The following BCAS3 variants were observed in gnomAD, a reference collection of about 807,000 sequenced individuals.
BCAS3 encodes the protein BCAS4/BCAS3 fusion.
Under a neutral mutation model 116.1 loss-of-function variants are expected in BCAS3, and 53 were observed. The observed-to-expected ratio is 0.46, with a 90% CI of 0.37 to 0.57. The LOEUF (loss-of-function observed/expected upper bound fraction) is 0.57, where lower values mean the gene tolerates loss of function less well. Among genes scored for constraint, BCAS3 ranks in the 20% least tolerant of loss-of-function variants. The pLI, the probability that BCAS3 is intolerant of heterozygous loss-of-function variation, is 0.00. For synonymous variants in BCAS3, 391 were observed against 408.2 expected (o/e 0.96, Z 0.51); for missense variants, 917 against 1,165.4 (o/e 0.79, Z 3.10).
Position 61,390,740 on chromosome 17 carries a change from G to A in BCAS3, c.2594-1237G>A, listed in dbSNP as rs1342390061. 3 of 152,526 alleles carry A rather than the reference G, an allele frequency of 2.0e-5. No individual in the cohort carries two copies. The highest frequency in any genetic ancestry group is 4.1e-4 in the South Asian group (2 of 4,842). The allele number at this position is 152,526 out of a possible 1,614,324, so 9.4% of individuals were successfully genotyped here. ...GAGCCGGCTGTACTGCGCGTGTGGTGGCAGGGGGCCTGGGAGCGGTTGCAG... is the reference window on the plus strand; with the variant it reads ...GAGCCGGCTGTACTGCGCGTGTGGTAGCAGGGGGCCTGGGAGCGGTTGCAG... On this transcript the variant is annotated intron_variant, in intron 23 of 23. Coordinates refer to ENST00000407086, the MANE Select transcript of BCAS3 (RefSeq NM_017679.5). The surrounding 1 kb of genome is among the most constrained non-coding windows in gnomAD (Gnocchi z 6.8).
chr17:60,826,146 C>T (rs1378122187), intron 7 of BCAS3, among the ~76,000 whole-genome samples: 2 of 151,896 alleles, frequency 1.3e-5, no homozygotes, highest in East Asian at 3.9e-4. Context: ...AGGCATGAGC[C>T]ACCTCGTCTG....
chr17:60,847,670 C>CT (rs1043258424), intron 7 of BCAS3, among the ~76,000 whole-genome samples: 16 of 151,374 alleles, frequency 1.1e-4, no homozygotes, highest in African/African-American at 2.9e-4. Context: ...CCTTTGCCCA[C>CT]TTTTTTTTTC....
chr17:60,824,354 C>T (rs758291209), intron 7 of BCAS3, among the ~76,000 whole-genome samples: 44 of 152,150 alleles, frequency 2.9e-4, no homozygotes, highest in Admixed American at 4.6e-4. Context: ...ACCTTCAGCT[C>T]CTTTCTTCTT....
chr17:61,274,890 G>A (rs1046957553), intron 22 of BCAS3, among the ~76,000 whole-genome samples: 4 of 151,942 alleles, frequency 2.6e-5, no homozygotes, highest in Non-Finnish European at 4.4e-5. Flanking sequence ...ACAGGGTCTT[G>A]CAGTGTCACT....
intron 19 of BCAS3, among the ~76,000 whole-genome samples, chr17:61,071,467 G>A (rs1018045988): frequency 6.6e-6 from 1 of 152,060 alleles, no homozygotes; most frequent in Non-Finnish European, 1.5e-5. Context: ...AATCACCTAG[G>A]GATCTTGTTG....
At chr17:61,253,023 G>T (rs1417848540) in intron 22 of BCAS3, among the ~76,000 whole-genome samples, 1 of 151,590 alleles carries the variant, frequency 6.6e-6, no homozygotes, top group Non-Finnish European at 1.5e-5. Context: ...GGGATCACAG[G>T]CATGTGCTAC....
chr17:61,099,522 T>C (rs1458061129), intron 22 of BCAS3, among the ~76,000 whole-genome samples: 2 of 152,234 alleles, frequency 1.3e-5, no homozygotes, highest in Non-Finnish European at 2.9e-5. Context: ...TTCCTTTGTA[T>C]GGGCCTATGG....
intron 6 of BCAS3, among the ~76,000 whole-genome samples, chr17:60,766,558 C>T (rs2044116392): frequency 6.6e-6 from 1 of 152,170 alleles, no homozygotes; most frequent in Non-Finnish European, 1.5e-5. Flanking sequence ...CTGATCCTTT[C>T]TCTGGAAGCT....
intron 5 of BCAS3, among the ~76,000 whole-genome samples, chr17:60,741,447 C>G (rs2041539602): frequency 6.6e-6 from 1 of 152,202 alleles, no homozygotes; most frequent in Admixed American, 6.5e-5. Flanking sequence ...TACAAAAAAA[C>G]TCTACTTATT....
rs572903542 is a variant in BCAS3, at chr17:61,132,317, A to G, written c.2425+47753A>G. Among the ~76,000 whole-genome samples, 1 of 152,328 alleles carries G rather than the reference A, an allele frequency of 6.6e-6. No individual in the cohort carries two copies. Among genetic ancestry groups the G allele is most frequent in the African/African-American group, 2.4e-5 (1 of 41,564 alleles). On this transcript the variant is annotated intron_variant, in intron 22 of 23. Coordinates refer to ENST00000407086, the MANE Select transcript of BCAS3 (RefSeq NM_017679.5). This position sits in a 1 kb window ranked among gnomAD's most constrained non-coding sequence, Gnocchi z 5.1. ...GTTTCAAATCTAGTGTTAAGTCCGT[A>G]ACTGAAGGCACCATTCCAAAACTAC...
At chr17:61,357,440 A>G (rs1263442824) in intron 22 of BCAS3, among the ~76,000 whole-genome samples, 1 of 149,632 alleles carries the variant, frequency 6.7e-6, no homozygotes, top group Non-Finnish European at 1.5e-5. Flanking sequence ...TAAAAAAAAA[A>G]AATTTTTATT....
intron 16 of BCAS3, among the ~76,000 whole-genome samples, chr17:61,025,371 C>T (rs12051583): frequency 0.1 from 15,470 of 151,820 alleles, 2,380 homozygotes; most frequent in African/African-American, 0.34. Context: ...AGGAGCTTAT[C>T]GGAAATACAG....
intron 22 of BCAS3, among the ~76,000 whole-genome samples, chr17:61,175,388 GA>G (rs35733395): frequency 2.9e-3 from 404 of 140,068 alleles, no homozygotes; most frequent in Middle Eastern, 7.3e-3. Flanking sequence ...GACACAGTGG[GA>G]AAAAAAAAAA....
intron 6 of BCAS3, among the ~76,000 whole-genome samples, chr17:60,785,530 T>TA (rs2046215815): frequency 6.6e-6 from 1 of 152,194 alleles, no homozygotes; most frequent in African/African-American, 2.4e-5. Context: ...AGAGTATTTT[T>TA]ACCAGGATGT....
chr17:61,386,678 A>C (rs1222139391), intron 23 of BCAS3, among the ~76,000 whole-genome samples: 1 of 152,038 alleles, frequency 6.6e-6, no homozygotes, highest in African/African-American at 2.4e-5. Context: ...CCACTTCCGA[A>C]GCCAGAGGAG....
chr17:61,060,008 G>A (rs1463727985), intron 19 of BCAS3, among the ~76,000 whole-genome samples: 2 of 151,712 alleles, frequency 1.3e-5, no homozygotes, highest in African/African-American at 4.8e-5. Context: ...AAGAAAGAAG[G>A]GAGTGAGGAA....
At position 61,019,514 on chromosome 17, in the gene BCAS3, T is replaced by C; in HGVS notation, c.1637+3613T>C. ...TTTGATTATCTTAAAATTTAACATTTTCACTAAAATACATGTATTTTGCCT... is the reference window on the plus strand; with the variant it reads ...TTTGATTATCTTAAAATTTAACATTCTCACTAAAATACATGTATTTTGCCT... On this transcript the variant is annotated intron_variant, in intron 16 of 23. Transcript: ENST00000407086. The surrounding 1 kb of genome is among the most constrained non-coding windows in gnomAD (Gnocchi z 5.6). Among the ~76,000 whole-genome samples the C allele has an allele frequency of 6.6e-6, 1 of 152,282 alleles. No homozygotes were observed.
intron 5 of BCAS3, among the ~76,000 whole-genome samples, chr17:60,737,326 C>G (rs1045960374): frequency 2.0e-5 from 3 of 152,124 alleles, no homozygotes; most frequent in Non-Finnish European, 2.9e-5. Flanking sequence ...TTTTATTCAT[C>G]ATTTCAAAGA....
intron 12 of BCAS3, among the ~76,000 whole-genome samples, chr17:60,911,060 T>C (rs940820853): frequency 2.0e-5 from 3 of 151,628 alleles, no homozygotes; most frequent in African/African-American, 4.8e-5. Flanking sequence ...TTCTTTTTTG[T>C]GTGTAATGAC....
Sources: allele counts gnomAD v4.1 joint callset (sites outside exome capture counted in the v4.1 genomes callset), GRCh38; gene constraint gnomAD v4.1.1; non-coding constraint Gnocchi (gnomAD v3.1); transcripts MANE v1.5; gene names NCBI Gene and HGNC (gene_info 2026-07-23, HGNC 2026-07-21).